ROBO2: variants seen among roughly 807,000 people sequenced by gnomAD.
ROBO2 encodes roundabout homolog 2.
Under a neutral mutation model 160.8 loss-of-function variants are expected in ROBO2, and 53 were observed. The ratio of observed to expected loss-of-function variants is 0.33; its 90% CI spans 0.26 to 0.41. The LOEUF (loss-of-function observed/expected upper bound fraction) is 0.41. Ranked by LOEUF, ROBO2 falls within the 10% of genes least tolerant of loss-of-function variation. The probability of loss-of-function intolerance (pLI) is 1.00; values close to 1 mark genes in which losing one functional copy is unlikely to be tolerated. For synonymous variants in ROBO2, 664 were observed against 611.7 expected, an observed-to-expected ratio of 1.09 and a Z score of -1.26; for missense variants, 1,577 against 1,722.4, an observed-to-expected ratio of 0.92 and a Z score of 1.49.
At chr3:76,383,784 CT>C (rs1159856306) in intron 2 of ROBO2, among the ~76,000 whole-genome samples, 1 of 152,102 alleles carries the variant, frequency 6.6e-6, no homozygotes, top group African/African-American at 2.4e-5. Flanking sequence ...CAAATAACCC[CT>C]GACAACAGGA....
At chr3:76,311,331 T>G (rs1340430942) in intron 2 of ROBO2, 1 of 152,230 alleles carries the variant, frequency 6.6e-6, no homozygotes, top group Non-Finnish European at 1.5e-5. Flanking sequence ...AGGCTTGAAC[T>G]TCTCTTCGTT....
intron 25 of ROBO2, 28 bp downstream of exon 27, chr3:77,644,932 A>G: frequency 1.2e-6 from 2 of 1,603,290 alleles, no homozygotes; most frequent in Non-Finnish European, 1.7e-6. Context: ...TTAAAAGGCT[A>G]TCGTGATTCA....
chr3:75,992,137 G>C (rs1053092323), intron 2 of ROBO2, among the ~76,000 whole-genome samples: 1 of 152,218 alleles, frequency 6.6e-6, no homozygotes, highest in Non-Finnish European at 1.5e-5. Context: ...ATTCAAGCCA[G>C]CTGCAGAAAT....
intron 2 of ROBO2, among the ~76,000 whole-genome samples, chr3:76,428,775 T>C (rs1365967941): frequency 3.4e-4 from 52 of 152,168 alleles, no homozygotes; most frequent in Admixed American, 3.4e-3. Context: ...TTCTTTTGAG[T>C]TGAGCCACGC....
At chr3:77,136,799 G>T (rs1393228945) in intron 2 of ROBO2, among the ~76,000 whole-genome samples, 1 of 151,894 alleles carries the variant, frequency 6.6e-6, no homozygotes, top group Non-Finnish European at 1.5e-5. Flanking sequence ...ACCATGCCCA[G>T]CTAATTTTTG....
intron 2 of ROBO2, among the ~76,000 whole-genome samples, chr3:77,379,572 G>C (rs536488154): frequency 1.8e-4 from 27 of 152,248 alleles, no homozygotes; most frequent in Admixed American, 8.5e-4. Context: ...GTTTGATAAA[G>C]TAAATATAGA....
intron 2 of ROBO2, among the ~76,000 whole-genome samples, chr3:76,042,813 G>A (rs747772526): frequency 2.0e-5 from 3 of 151,998 alleles, no homozygotes; most frequent in Non-Finnish European, 2.9e-5. Context: ...TCTGACCACC[G>A]GTGCATGCAG....
chr3:77,507,755 T>C (rs1161262525), intron 5 of ROBO2, among the ~76,000 whole-genome samples: 1 of 152,208 alleles, frequency 6.6e-6, no homozygotes, highest in African/African-American at 2.4e-5. Context: ...CACAACTTTA[T>C]TTGTTCCAGT....
intron 2 of ROBO2, among the ~76,000 whole-genome samples, chr3:76,982,262 T>A (rs1256351865): frequency 1.3e-5 from 2 of 152,198 alleles, no homozygotes; most frequent in African/African-American, 4.8e-5. Flanking sequence ...ATGGTATGAG[T>A]TAAGGTTCCA....
At chr3:76,965,192 C>T (rs2079975885) in intron 2 of ROBO2, among the ~76,000 whole-genome samples, 1 of 152,174 alleles carries the variant, frequency 6.6e-6, no homozygotes, top group African/African-American at 2.4e-5. Flanking sequence ...TAGGCTAAAG[C>T]CGCTCATCTT....
intron 2 of ROBO2, among the ~76,000 whole-genome samples, chr3:76,351,149 T>G (rs1166728605): frequency 6.6e-6 from 1 of 151,940 alleles, no homozygotes; most frequent in East Asian, 1.9e-4. Context: ...CTCTCTTTTA[T>G]AGGTAAAAAA....
At chr3:76,181,731 C>G (rs889889593) in intron 2 of ROBO2, among the ~76,000 whole-genome samples, 1 of 151,780 alleles carries the variant, frequency 6.6e-6, no homozygotes, top group African/African-American at 2.4e-5. Context: ...ACCTCAGTGC[C>G]ATTTTGACAC....
chr3:76,994,084 T>G (rs1324161375), intron 2 of ROBO2, among the ~76,000 whole-genome samples: 1 of 102,860 alleles, frequency 9.7e-6, no homozygotes, highest in Non-Finnish European at 1.9e-5. Context: ...AAGATGTGCT[T>G]TTTTTGTTTT....
At chr3:76,469,844 C>G (rs929781656) in intron 2 of ROBO2, among the ~76,000 whole-genome samples, 6 of 152,136 alleles carry the variant, frequency 3.9e-5, no homozygotes, top group South Asian at 2.1e-4. Flanking sequence ...TTTGTCTTCT[C>G]TCACTACACT....
At chr3:77,050,808 A>C (rs1393660633) in intron 1 of ROBO2, among the ~76,000 whole-genome samples, 2 of 151,360 alleles carry the variant, frequency 1.3e-5, no homozygotes, top group Non-Finnish European at 2.9e-5. Flanking sequence ...CATGAGTTTG[A>C]GATCAGCCTG....
intron 2 of ROBO2, among the ~76,000 whole-genome samples, chr3:76,032,712 G>T (rs557540220): frequency 8.5e-5 from 13 of 152,210 alleles, no homozygotes; most frequent in African/African-American, 3.1e-4. Flanking sequence ...TTGCATTGTG[G>T]TCTTAGAGAT....
chr3:77,185,321 T>C (rs2081184657), intron 2 of ROBO2, among the ~76,000 whole-genome samples: 2 of 151,920 alleles, frequency 1.3e-5, no homozygotes, highest in African/African-American at 2.4e-5. Context: ...GGGGAAAGTA[T>C]AGAGAGTCAA....
At chr3:77,332,335 A>G (rs1306886088) in intron 2 of ROBO2, among the ~76,000 whole-genome samples, 1 of 152,172 alleles carries the variant, frequency 6.6e-6, no homozygotes, top group East Asian at 1.9e-4. Flanking sequence ...GTGAGCCATC[A>G]GTCCAGGTGG....
chr3:76,801,648 A>G (rs995386773), intron 2 of ROBO2, among the ~76,000 whole-genome samples: 2 of 152,126 alleles, frequency 1.3e-5, no homozygotes, highest in African/African-American at 4.8e-5. Flanking sequence ...CTTTCTCTGT[A>G]TCAGCAATGA....
Sources: gnomAD v4.1 joint callset for allele counts (sites outside exome capture counted in the v4.1 genomes callset) on GRCh38, gnomAD v4.1.1 for gene constraint, MANE v1.5 for transcripts, NCBI Gene and HGNC (gene_info 2026-07-23, HGNC 2026-07-21) for gene names.